Variants in ESR1 observed in about 807,000 individuals in gnomAD.
ESR1 encodes the protein estrogen receptor 1.
In ESR1, 12 loss-of-function variants were observed where a neutral mutation model predicts 52.7. The ratio of observed to expected loss-of-function variants is 0.23; its 90% CI spans 0.15 to 0.37. The LOEUF is 0.37. Ranked by LOEUF, ESR1 falls within the 10% of genes least tolerant of loss-of-function variation. ESR1 has a pLI of 1.00. For missense variants in ESR1, 584 were observed against 779.7 expected, an observed-to-expected ratio of 0.75 and a Z score of 2.99; for synonymous variants, 305 against 316.8, an observed-to-expected ratio of 0.96 and a Z score of 0.39.
At chr6:151,686,421 C>T (rs770187551), upstream of ESR1, among the ~76,000 whole-genome samples, 21 of 152,144 alleles carry the variant, frequency 1.4e-4, no homozygotes, top group African/African-American at 4.3e-4. Context: ...CGCAGTGGCT[C>T]ACGCCTGTAA....
chr6:151,688,331 G>T (rs954639674), upstream of ESR1, among the ~76,000 whole-genome samples: 3 of 152,168 alleles, frequency 2.0e-5, no homozygotes, highest in African/African-American at 7.2e-5. Context: ...AATTCCTTGT[G>T]CTGGTTCAGA....
intron 3 of ESR1, among the ~76,000 whole-genome samples, chr6:151,931,170 T>A (rs2033544488): frequency 6.6e-6 from 1 of 152,180 alleles, no homozygotes; most frequent in East Asian, 1.9e-4. Flanking sequence ...CTTTCTGGTA[T>A]TCCAATTATG....
chr6:151,678,934 C>T (rs1778355752), intron 1 of ESR1, among the ~76,000 whole-genome samples: 1 of 152,128 alleles, frequency 6.6e-6, no homozygotes, highest in South Asian at 2.1e-4. Flanking sequence ...ATCCACCCGC[C>T]TCGGCCTCCC....
intron 2 of ESR1, among the ~76,000 whole-genome samples, chr6:151,778,288 A>T (rs1009166698): frequency 1.3e-5 from 2 of 150,412 alleles, no homozygotes; most frequent in African/African-American, 4.9e-5. Context: ...TCTGTTTGGG[A>T]TGATGAAGAA....
rs1204037793 is a variant in ESR1, at chr6:152,011,783, G to T, written c.1224G>T (p.Leu408Phe). ...HPGKLLFAPN[L>F]LLDRNQGKCV... is the part of the protein sequence containing the mutation. The stretch of plus-strand genomic sequence containing the variant: ...GGAAGCTACTGTTTGCTCCTAACTT[G>T]CTCTTGGACAGGTAAGTGACCTGGC... Residue 408 changes from leucine to phenylalanine, a missense_variant, in exon 5 of 8, where the codon TTG becomes TTT. By Grantham distance (22) the Leu-to-Phe change is conservative. Around this residue, in one of 6 missense-constraint regions of ESR1, gnomAD observed 141 missense variants for 289.3 expected, o/e 0.49. Transcript: ENST00000206249. The T allele has an allele frequency of 6.2e-7, 1 of 1,612,922 alleles. No homozygotes were observed. Among genetic ancestry groups the T allele is most frequent in the Non-Finnish European group, 8.5e-7 (1 of 1,179,388 alleles).
At chr6:152,108,723 CTG>C in intron 6 of ESR1, among the ~76,000 whole-genome samples, 1 of 152,182 alleles carries the variant, frequency 6.6e-6, no homozygotes, top group East Asian at 1.9e-4. Flanking sequence ...GAATGCCTGA[CTG>C]GGGCTGGATT....
At position 151,761,253 on chromosome 6, in the gene ESR1, A is replaced by C. The variant is rs1041251041; in HGVS notation, c.-70-46590A>C. On this transcript the variant is annotated intron_variant, in intron 2 of 2. Transcript: ENST00000404742. ...TATTTACGTTTTAGCCTTATTTTTTAATACTTCTTTTTCATATATATTAGA... is the reference window on the plus strand; with the variant it reads ...TATTTACGTTTTAGCCTTATTTTTTCATACTTCTTTTTCATATATATTAGA... Among the ~76,000 whole-genome samples the C allele has an allele frequency of 2.6e-5, 4 of 152,032 alleles. No homozygotes were observed. In the South Asian group the frequency reaches 8.3e-4, roughly 31 times the overall value.
chr6:151,950,877 T>C (rs1036508973), intron 4 of ESR1, among the ~76,000 whole-genome samples: 1 of 152,018 alleles, frequency 6.6e-6, no homozygotes, highest in Non-Finnish European at 1.5e-5. Context: ...ACAAAGTGTA[T>C]TAAAAATAGA....
intron 5 of ESR1, among the ~76,000 whole-genome samples, chr6:152,027,101 G>C (rs1036394076): frequency 6.6e-6 from 1 of 151,730 alleles, no homozygotes; most frequent in Non-Finnish European, 1.5e-5. Flanking sequence ...CAAGTACCTG[G>C]GATTACAGGC....
chr6:151,716,871 T>C (rs996101532), intron 2 of ESR1, among the ~76,000 whole-genome samples: 2 of 152,184 alleles, frequency 1.3e-5, no homozygotes, highest in Admixed American at 6.5e-5. Context: ...CAGGAGCCAC[T>C]AGGGTATGAA....
chr6:152,026,327 A>G (rs938524645), intron 5 of ESR1, among the ~76,000 whole-genome samples: 20 of 152,014 alleles, frequency 1.3e-4, no homozygotes, highest in Admixed American at 2.6e-4. Flanking sequence ...TTGTGTTAAA[A>G]AGCTATTGAT....
intron 6 of ESR1, among the ~76,000 whole-genome samples, chr6:152,115,945 AT>A (rs2051205352): frequency 2.0e-5 from 3 of 152,086 alleles, no homozygotes; most frequent in South Asian, 4.2e-4. Context: ...TACCAATTTA[AT>A]TGGTTTGGGG....
intron 5 of ESR1, among the ~76,000 whole-genome samples, chr6:152,042,065 G>A (rs1169668472): frequency 1.3e-5 from 2 of 152,186 alleles, no homozygotes; most frequent in Non-Finnish European, 2.9e-5. Context: ...CGCCACCCCT[G>A]CATCTTTGAA....
chr6:152,046,145 A>T (rs2046212203), intron 5 of ESR1, among the ~76,000 whole-genome samples: 1 of 152,216 alleles, frequency 6.6e-6, no homozygotes, highest in East Asian at 1.9e-4. Context: ...AGCATCACAT[A>T]TAATTTCATT....
At chr6:151,788,050 G>A (rs1372149783) in intron 2 of ESR1, among the ~76,000 whole-genome samples, 2 of 152,092 alleles carry the variant, frequency 1.3e-5, no homozygotes, top group East Asian at 3.8e-4. Flanking sequence ...ATAGGAATGG[G>A]CAAAAATTTC....
intron 6 of ESR1, among the ~76,000 whole-genome samples, chr6:152,075,919 T>G (rs1454140422): frequency 6.6e-6 from 1 of 152,196 alleles, no homozygotes; most frequent in Non-Finnish European, 1.5e-5. Flanking sequence ...TGGCAAGGAA[T>G]GAAGGGGTGT....
intron 1 of ESR1, among the ~76,000 whole-genome samples, chr6:151,657,816 T>C (rs1403629072): frequency 6.6e-6 from 1 of 152,192 alleles, no homozygotes. Context: ...TTGGGTTTTT[T>C]TGGATGTAAA....
At chr6:151,725,141 A>T (rs1781745115) in intron 2 of ESR1, among the ~76,000 whole-genome samples, 1 of 152,082 alleles carries the variant, frequency 6.6e-6, no homozygotes, top group Non-Finnish European at 1.5e-5. Flanking sequence ...AAATTCTCCC[A>T]CCTCTGGCCT....
Position 152,098,896 on chromosome 6 carries a change from C to T in ESR1, c.1718C>T (p.Ser573Phe), listed in dbSNP as rs1280377828. ...TDQSHLATAG[S>F]TSSHSLQKYY... is the part of the protein sequence containing the mutation. ...CAAAGCCACTTGGCCACTGCGGGCT[C>T]TACTTCATCGCATTCCTTGCAAAAG... Residue 573 changes from serine to phenylalanine, a missense_variant, in exon 8 of 8, where the codon TCT (serine) becomes TTT (phenylalanine). Physicochemically the swap from Ser to Phe is radical, Grantham distance 155 (BLOSUM62 -2). Around this residue, in one of 6 missense-constraint regions of ESR1, gnomAD observed 71 missense variants for 66.1 expected, o/e 1.07. Coordinates refer to ENST00000206249, the MANE Select transcript of ESR1 (RefSeq NM_000125.4). The surrounding 1 kb of genome is among the most constrained non-coding windows in gnomAD (Gnocchi z 5.1). 2 of 1,614,222 alleles carry T rather than the reference C, an allele frequency of 1.2e-6. No individual in the cohort carries two copies. Among genetic ancestry groups the T allele is most frequent in the East Asian group, 2.2e-5 (1 of 44,868 alleles).
Sources: allele counts gnomAD v4.1 joint callset (sites outside exome capture counted in the v4.1 genomes callset), GRCh38; gene constraint gnomAD v4.1.1; regional missense constraint gnomAD v4.1.1; non-coding constraint Gnocchi (gnomAD v3.1); transcripts MANE v1.5; gene names NCBI Gene and HGNC (gene_info 2026-07-23, HGNC 2026-07-21).